Variants in DDX10 observed in about 807,000 individuals in gnomAD.
The protein encoded by DDX10 is probable ATP-dependent RNA helicase DDX10.
In DDX10, 74 loss-of-function variants were observed where a neutral mutation model predicts 104.3. The ratio of observed to expected loss-of-function variants is 0.71; its 90% CI spans 0.59 to 0.86. The LOEUF (loss-of-function observed/expected upper bound fraction) is 0.86, where lower values mean the gene tolerates loss of function less well. Among genes scored for constraint, DDX10 ranks in the 40% least tolerant of loss-of-function variants. The pLI, the probability that DDX10 is intolerant of heterozygous loss-of-function variation, is 0.00. For synonymous variants in DDX10, 351 were observed against 353.4 expected (o/e 0.99, Z 0.08); for missense variants, 952 against 1,040.0 (o/e 0.92, Z 1.16).
intron 16 of DDX10, among the ~76,000 whole-genome samples, chr11:108,900,939 A>C (rs73560832): frequency 0.018 from 2,749 of 152,196 alleles, 100 homozygotes; most frequent in African/African-American, 0.063. Context: ...ACCATCACCT[A>C]ATTGCCCTCC....
chr11:108,667,969 C>T (rs1350475395), intron 1 of DDX10, among the ~76,000 whole-genome samples: 1 of 152,204 alleles, frequency 6.6e-6, no homozygotes, highest in Admixed American at 6.5e-5. Context: ...GTGATACACT[C>T]GTCTTTGCAC....
intron 13 of DDX10, among the ~76,000 whole-genome samples, chr11:108,801,522 T>G (rs895845650): frequency 3.3e-5 from 5 of 152,356 alleles, no homozygotes; most frequent in Non-Finnish European, 4.4e-5. Context: ...GACACTACAC[T>G]ATGTGCTATA....
intron 1 of DDX10, among the ~76,000 whole-genome samples, chr11:108,672,309 T>G (rs2094218220): frequency 6.6e-6 from 1 of 152,160 alleles, no homozygotes; most frequent in Non-Finnish European, 1.5e-5. Context: ...CCATTCCCTT[T>G]GAAAACAGCT....
At position 108,854,838 on chromosome 11, in the gene DDX10, G is replaced by A. The variant is rs190104042; in HGVS notation, c.2304+2629G>A. ...AATGTGAATTTTCAATTTTAGAAAT[G>A]AATCTTCTCTGGCATATTGAAAGTA... On this transcript the variant is annotated intron_variant, in intron 16 of 17. Coordinates refer to ENST00000322536, the MANE Select transcript of DDX10 (RefSeq NM_004398.4). Among the ~76,000 whole-genome samples the A allele has an allele frequency of 3.1e-4, 47 of 152,116 alleles. No individual in the cohort carries two copies. In the East Asian group the frequency reaches 8.3e-3, roughly 27 times the overall value.
chr11:108,863,508 C>T (rs1474476818), intron 16 of DDX10, among the ~76,000 whole-genome samples: 1 of 152,162 alleles, frequency 6.6e-6, no homozygotes, highest in East Asian at 1.9e-4. Flanking sequence ...AAAATTATCT[C>T]ATTTCCTTCA....
intron 16 of DDX10, among the ~76,000 whole-genome samples, chr11:108,901,002 G>C (rs1207535125): frequency 1.3e-5 from 2 of 152,012 alleles, no homozygotes; most frequent in South Asian, 4.2e-4. Flanking sequence ...AAGTGAAATG[G>C]CATCTCCTTC....
chr11:108,841,514 TA>T (rs1277510955), intron 15 of DDX10, 38 bp downstream of exon 15: 2 of 1,589,736 alleles, frequency 1.3e-6, no homozygotes, highest in Admixed American at 3.4e-5. Flanking sequence ...GAGTAAAATT[TA>T]GTGTCCCGAA....
intron 9 of DDX10, among the ~76,000 whole-genome samples, chr11:108,705,303 G>A (rs918490903): frequency 6.6e-6 from 1 of 152,004 alleles, no homozygotes; most frequent in Admixed American, 6.5e-5. Flanking sequence ...AATGACTTCC[G>A]GCTGCATGGA....
At chr11:108,887,868 C>T (rs942158126) in intron 16 of DDX10, among the ~76,000 whole-genome samples, 15 of 151,724 alleles carry the variant, frequency 9.9e-5, no homozygotes, top group Non-Finnish European at 1.8e-4. Context: ...TGCGGTGAGC[C>T]GCGATCACAC....
chr11:108,859,726 G>T (rs1160991124), intron 16 of DDX10, among the ~76,000 whole-genome samples: 2 of 152,116 alleles, frequency 1.3e-5, no homozygotes, highest in African/African-American at 4.8e-5. Context: ...AATCATTGTG[G>T]TCAGTTTCAT....
chr11:108,928,378 C>A (rs981542069), intron 17 of DDX10, among the ~76,000 whole-genome samples: 1 of 152,176 alleles, frequency 6.6e-6, no homozygotes, highest in Admixed American at 6.5e-5. Flanking sequence ...AAAATAGTTG[C>A]TCTAGCAGGT....
At chr11:108,910,753 G>C (rs900116511) in intron 16 of DDX10, among the ~76,000 whole-genome samples, 13 of 128,442 alleles carry the variant, frequency 1.0e-4, no homozygotes, top group Non-Finnish European at 1.7e-4. Flanking sequence ...GTGTGTGTGT[G>C]TGTGTGTGTG....
chr11:108,684,314 A>G (rs1027604228), intron 6 of DDX10, among the ~76,000 whole-genome samples: 8 of 149,394 alleles, frequency 5.4e-5, no homozygotes, highest in Non-Finnish European at 8.9e-5. Context: ...CTTGTCATCT[A>G]GCATTAGGTA....
chr11:108,772,834 A>G (rs887602159), intron 13 of DDX10, among the ~76,000 whole-genome samples: 1 of 152,210 alleles, frequency 6.6e-6, no homozygotes, highest in Non-Finnish European at 1.5e-5. Context: ...GAATCTGACC[A>G]TCCCCTGTCA....
intron 13 of DDX10, among the ~76,000 whole-genome samples, chr11:108,821,529 G>T (rs373735098): frequency 6.6e-6 from 1 of 152,102 alleles, no homozygotes; most frequent in Admixed American, 6.5e-5. Context: ...GTAAAAATCT[G>T]CTAGCAACTT....
intron 13 of DDX10, among the ~76,000 whole-genome samples, chr11:108,748,956 GC>G (rs1181643172): frequency 1.3e-5 from 2 of 151,672 alleles, no homozygotes; most frequent in African/African-American, 4.8e-5. Flanking sequence ...GAGCCACCAC[GC>G]CTGGCCTAAA....
rs147811318 is a variant in DDX10 at position 108,695,106 on chromosome 11, C to A, written c.1223+1506C>A. 7.2e-5 allele frequency among the ~76,000 whole-genome samples: 11 copies of A among 152,070 alleles called. No homozygotes were observed. The East Asian group carries it at 2.1e-3, about 29-fold the overall frequency. ...AATACTTATTAACAACCTTACAGTT[C>A]TTGTTTTTGTCTTAGTAATTCCACA... is the stretch of plus-strand genomic sequence containing the variant. On this transcript the variant is annotated intron_variant, in intron 9 of 17. Transcript: ENST00000322536.
In DDX10 at chr11:108,804,355, C is replaced by T. The variant is rs540627237; in HGVS notation, c.1966-34091C>T. On this transcript the variant is annotated intron_variant, in intron 13 of 17. Transcript: ENST00000322536. Reference sequence around the variant, plus strand: ...TGTACAAAACAATAAAAAAAATTTGCCAGGTATGATGGTGTGTGTGTGTGG... The same window carrying T: ...TGTACAAAACAATAAAAAAAATTTGTCAGGTATGATGGTGTGTGTGTGTGG... Among the ~76,000 whole-genome samples, 40 of 151,878 alleles carry T rather than the reference C, an allele frequency of 2.6e-4. No individual in the cohort carries two copies. In the Middle Eastern group the frequency reaches 0.01, roughly 39 times the overall value.
At position 108,789,692 on chromosome 11, in the gene DDX10, A is replaced by G. The variant is rs889236237; in HGVS notation, c.1966-48754A>G. Among the ~76,000 whole-genome samples, 3 of 152,212 alleles carry G rather than the reference A, an allele frequency of 2.0e-5. No individual in the cohort carries two copies. The East Asian group carries it at 5.8e-4, about 29-fold the overall frequency. The stretch of plus-strand genomic sequence containing the variant: ...TCTCAAAAATTGTATTGCCAGGGAT[A>G]ACATGTAGGATGCTTTTCACTGCAG... On this transcript the variant is annotated intron_variant, in intron 13 of 17. Coordinates refer to ENST00000322536, the MANE Select transcript of DDX10 (RefSeq NM_004398.4).
Sources: allele counts gnomAD v4.1 joint callset (sites outside exome capture counted in the v4.1 genomes callset), GRCh38; gene constraint gnomAD v4.1.1; transcripts MANE v1.5; gene names NCBI Gene and HGNC (gene_info 2026-07-23, HGNC 2026-07-21).